ANXA6: variants seen among roughly 807,000 people sequenced by gnomAD.
The protein encoded by ANXA6 is annexin A6.
A neutral mutation model predicts 95.4 loss-of-function variants in ANXA6; 71 were observed. The ratio of observed to expected loss-of-function variants is 0.74; its 90% CI spans 0.61 to 0.91. The LOEUF (loss-of-function observed/expected upper bound fraction) is 0.91. Among genes scored for constraint, ANXA6 ranks in the 40% least tolerant of loss-of-function variants. The pLI, the probability that ANXA6 is intolerant of heterozygous loss-of-function variation, is 0.00. For missense variants in ANXA6, 830 were observed against 876.4 expected (o/e 0.95, Z 0.67); for synonymous variants, 289 against 315.9 (o/e 0.91, Z 0.90).
chr5:151,140,171 T>C lies in ANXA6; in HGVS notation c.91A>G (p.Thr31Ala), dbSNP rs1765787797. The C allele has an allele frequency of 6.2e-7, 1 of 1,613,780 alleles. No individual in the cohort carries two copies. The highest frequency in any genetic ancestry group is 1.3e-5 in the African/African-American group (1 of 74,892). Residue 31 changes from threonine to alanine, a missense_variant, in exon 3 of 26, where the codon ACT becomes GCT. Transcript: ENST00000354546. ...CACCCACCAAAGCCCTTCATGGCAGTGTACAGAGCCTCGGCATCCTGGTTG... is the reference window on the plus strand; with the variant it reads ...CACCCACCAAAGCCCTTCATGGCAGCGTACAGAGCCTCGGCATCCTGGTTG... The part of the protein sequence containing the change: ...DPNQDAEALY[T>A]AMKGFGSDKE...
At position 151,101,377 on chromosome 5, in the gene ANXA6, A is replaced by G; in HGVS notation, c.*71T>C. On this transcript the variant is annotated 3_prime_UTR_variant, in exon 26 of 26. Coordinates refer to ENST00000354546, the MANE Select transcript of ANXA6 (RefSeq NM_001155.5). The stretch of plus-strand genomic sequence containing the variant: ...CTTCCTTAGTCTCTGGAGCTGGAAC[A>G]ATCAGGCTTGGCCATGGCGGCTGGT... The G allele has an allele frequency of 1.2e-6, 1 of 854,044 alleles. No homozygotes were observed. Among genetic ancestry groups the G allele is most frequent in the Non-Finnish European group, 1.7e-6 (1 of 585,504 alleles). The allele number at this position is 854,044 out of a possible 1,614,324, so 52.9% of individuals were successfully genotyped here. A position where few individuals can be genotyped will look rare whatever the true frequency, so the allele number is the denominator to read the frequency against.
In ANXA6 at chr5:151,124,359, T is replaced by TC. The variant is rs1489549586; in HGVS notation, c.1064dup (p.Thr356AsnfsTer7). On this transcript the variant is annotated frameshift_variant, in exon 15 of 26. Transcript: ENST00000354546. LOFTEE classifies it high-confidence loss of function. ...TGAAGTCATTGGCTGGGCGCACAGT[T>TC]CCCTTCAGCTGTGAGAAGCAGAAAG... is the stretch of plus-strand genomic sequence containing the variant. 6.2e-7 allele frequency: 1 copy of TC among 1,610,848 alleles called. No homozygotes were observed. Among genetic ancestry groups the TC allele is most frequent in the South Asian group, 1.1e-5 (1 of 90,196 alleles).
intron 12 of ANXA6, 74 bp from the exon 13 acceptor site, chr5:151,128,313 C>T: frequency 7.6e-7 from 1 of 1,315,336 alleles, no homozygotes. Flanking sequence ...GAAGGTTCTG[C>T]ACAGCCTGAA....
chr5:151,140,602 ATATTT>A (rs1288457402), intron 2 of ANXA6: 2 of 136,620 alleles, frequency 1.5e-5, no homozygotes, highest in African/African-American at 5.4e-5. Context: ...ATATATATAT[ATATTT>A]TAAGAGATGG....
At chr5:151,136,213 G>C (rs755570894) in intron 7 of ANXA6, 43 bp downstream of exon 7, 1 of 1,596,050 alleles carries the variant, frequency 6.3e-7, no homozygotes, top group African/African-American at 1.3e-5. Flanking sequence ...CCAGACAAAA[G>C]CTATCCCAAG....
At chr5:151,155,798 G>C (rs989250379) in intron 1 of ANXA6, 1 of 152,290 alleles carries the variant, frequency 6.6e-6, no homozygotes, top group Non-Finnish European at 1.5e-5. Context: ...GAGAGGAAGG[G>C]GCTAAGCCCC....
At chr5:151,144,629 T>A (rs1765929119) in intron 2 of ANXA6, among the ~76,000 whole-genome samples, 1 of 152,058 alleles carries the variant, frequency 6.6e-6, no homozygotes. Flanking sequence ...GTTCTCCCCC[T>A]CATACAATGT....
At chr5:151,151,109 T>C (rs1766096757) in intron 1 of ANXA6, 2 of 152,196 alleles carry the variant, frequency 1.3e-5, no homozygotes, top group Admixed American at 6.5e-5. Flanking sequence ...GCACAGTTCA[T>C]ATGTAAAAAG....
At chr5:151,155,514 C>G (rs1766213537) in intron 1 of ANXA6, 1 of 152,122 alleles carries the variant, frequency 6.6e-6, no homozygotes, top group Non-Finnish European at 1.5e-5. Flanking sequence ...GGCTGGATTC[C>G]AAGGCAAGTT....
Position 151,101,437 on chromosome 5 carries a change from A to G in ANXA6, c.*11T>C, listed in dbSNP as rs758212829. On this transcript the variant is annotated 3_prime_UTR_variant, in exon 26 of 26. Transcript: ENST00000354546. ...CATTTCTTGGCAGAAGTGCCCGCCA[A>G]AGCTGTGGCCCTAGTCCTCACCACC... The G allele has an allele frequency of 4.8e-5, 75 of 1,553,826 alleles. No individual in the cohort carries two copies. In the African/African-American group the frequency reaches 9.6e-4, roughly 20 times the overall value.
chr5:151,138,774 T>G lies in ANXA6; in HGVS notation c.222A>C (p.Leu74Phe). Residue 74 changes from leucine to phenylalanine, a missense_variant, in exon 5 of 26, where the codon TTA becomes TTC. By Grantham distance (22) the Leu-to-Phe change is conservative (BLOSUM62 0). Coordinates refer to ENST00000354546, the MANE Select transcript of ANXA6 (RefSeq NM_001155.5). ...SLYGKDLIAD[L>F]KYELTGKFER... ...CAAACTTGCCCGTCAATTCATACTTTAAATCAGCAATGAGGTCCTGGCAGG... is the reference window on the plus strand; with the variant it reads ...CAAACTTGCCCGTCAATTCATACTTGAAATCAGCAATGAGGTCCTGGCAGG... The G allele has an allele frequency of 1.2e-6, 2 of 1,613,548 alleles. No individual in the cohort carries two copies. Among genetic ancestry groups the G allele is most frequent in the Non-Finnish European group, 1.7e-6 (2 of 1,179,522 alleles).
chr5:151,129,041 C>T (rs6886358), intron 12 of ANXA6, among the ~76,000 whole-genome samples: 63,437 of 151,990 alleles, frequency 0.42, 13,493 homozygotes, highest in Middle Eastern at 0.49. Flanking sequence ...ACCAATCACC[C>T]GGCCCAGGCC....
rs61315693 is a variant in ANXA6, at chr5:151,100,817, AT to A, written c.*630del. On this transcript the variant is annotated 3_prime_UTR_variant, in exon 26 of 26. Coordinates refer to ENST00000354546, the MANE Select transcript of ANXA6 (RefSeq NM_001155.5). ...AGTTAATGTTAGAAGGGAAGCCAAG[AT>A]TTTTTTGTCCAACTGTCTCATTGTA... 987 of 449,224 alleles carry A rather than the reference AT, an allele frequency of 2.2e-3. 15 individuals are homozygous for A. Among genetic ancestry groups the A allele is most frequent in the South Asian group, 0.015 (963 of 64,314 alleles). 27.8% of individuals were successfully genotyped at this position (449,224 alleles called of 1,614,324 possible).
intron 11 of ANXA6, among the ~76,000 whole-genome samples, chr5:151,130,426 G>A (rs1417690628): frequency 6.6e-6 from 1 of 151,958 alleles, no homozygotes; most frequent in Non-Finnish European, 1.5e-5. Flanking sequence ...AGTTCTATTT[G>A]TTATTTTTGT....
At chr5:151,121,854 T>A (rs924043785) in intron 17 of ANXA6, among the ~76,000 whole-genome samples, 1 of 152,150 alleles carries the variant, frequency 6.6e-6, no homozygotes, top group African/African-American at 2.4e-5. Context: ...GATGGACATA[T>A]GCCACCATGA....
intron 1 of ANXA6, among the ~76,000 whole-genome samples, chr5:151,157,345 G>C (rs961324106): frequency 6.7e-6 from 1 of 148,490 alleles, no homozygotes; most frequent in African/African-American, 2.5e-5. Context: ...AAAGTCTCTT[G>C]AGCCCCCCCA....
Position 151,153,958 on chromosome 5 carries a change from G to A in ANXA6, c.-26+3722C>T, listed in dbSNP as rs148907384. On this transcript the variant is annotated intron_variant, in intron 1 of 25. Transcript: ENST00000354546. Reference sequence around the variant, plus strand: ...TTTCCTGCACCCCCTCCCATAGGGCGTGGCTCCTATGGATGGTTGGGGGTA... The same window carrying A: ...TTTCCTGCACCCCCTCCCATAGGGCATGGCTCCTATGGATGGTTGGGGGTA... Among the ~76,000 whole-genome samples, 320 of 152,144 alleles carry A rather than the reference G, an allele frequency of 2.1e-3. 3 individuals are homozygous for A. Among genetic ancestry groups the A allele is most frequent in the African/African-American group, 7.2e-3 (300 of 41,486 alleles).
At chr5:151,126,924 C>T (rs1039078456) in intron 13 of ANXA6, among the ~76,000 whole-genome samples, 8 of 152,194 alleles carry the variant, frequency 5.3e-5, no homozygotes, top group African/African-American at 1.7e-4. Flanking sequence ...GCCATGTTGG[C>T]CAGGCTGGTC....
chr5:151,129,647 A>C (rs544245884), intron 11 of ANXA6, 118 bp from the exon 12 acceptor site: 7 of 1,202,750 alleles, frequency 5.8e-6, no homozygotes, highest in South Asian at 3.1e-5. Context: ...AGAGCAAAAG[A>C]AGCAGACATT....
Sources: gnomAD v4.1 joint callset for allele counts (sites outside exome capture counted in the v4.1 genomes callset) on GRCh38, gnomAD v4.1.1 for gene constraint, MANE v1.5 for transcripts, NCBI Gene and HGNC (gene_info 2026-07-23, HGNC 2026-07-21) for gene names.